Variants in KCNK10 observed in about 807,000 individuals in gnomAD.
KCNK10 encodes potassium two pore domain channel subfamily K member 10.
A neutral mutation model predicts 47.7 loss-of-function variants in KCNK10; 25 were observed. The observed-to-expected ratio is 0.52, with a 90% CI of 0.38 to 0.73. KCNK10 has a LOEUF of 0.73. KCNK10 is among the 30% of genes least tolerant of loss of function. The probability of loss-of-function intolerance (pLI) is 0.00; values close to 1 mark genes in which losing one functional copy is unlikely to be tolerated. For synonymous variants in KCNK10, 303 were observed against 285.6 expected (o/e 1.06, Z -0.61); for missense variants, 563 against 714.5 (o/e 0.79, Z 2.42).
chr14:88,239,396 A>T (rs1886387443), intron 3 of KCNK10, among the ~76,000 whole-genome samples: 1 of 152,234 alleles, frequency 6.6e-6, no homozygotes, highest in Non-Finnish European at 1.5e-5. Flanking sequence ...AAAGCTGGCA[A>T]ATCATATAAG....
At chr14:88,217,144 G>A (rs763882188) in intron 4 of KCNK10, among the ~76,000 whole-genome samples, 6 of 152,204 alleles carry the variant, frequency 3.9e-5, no homozygotes, top group African/African-American at 9.7e-5. Flanking sequence ...GCAACAGAGT[G>A]AGACTCCGTC....
At chr14:88,277,778 G>C (rs1355458550) in intron 1 of KCNK10, among the ~76,000 whole-genome samples, 1 of 152,156 alleles carries the variant, frequency 6.6e-6, no homozygotes, top group Non-Finnish European at 1.5e-5. Flanking sequence ...AACATTCTGA[G>C]GAATTTTCCA....
At chr14:88,215,481 C>T (rs2139857012) in intron 4 of KCNK10, among the ~76,000 whole-genome samples, 1 of 152,292 alleles carries the variant, frequency 6.6e-6, no homozygotes, top group East Asian at 1.9e-4. Flanking sequence ...CCTCCCACAA[C>T]ACATGAGGAT....
intron 2 of KCNK10, among the ~76,000 whole-genome samples, chr14:88,259,972 A>G (rs372189610): frequency 1.1e-4 from 16 of 152,046 alleles, no homozygotes; most frequent in Non-Finnish European, 1.8e-4. Context: ...TGAGAGAGTC[A>G]TGCTCTGATG....
chr14:88,208,412 C>A (rs1237260304), intron 4 of KCNK10, among the ~76,000 whole-genome samples: 1 of 152,060 alleles, frequency 6.6e-6, no homozygotes, highest in Non-Finnish European at 1.5e-5. Flanking sequence ...GGTTGATAAG[C>A]CTCCAAAGGG....
Position 88,185,875 on chromosome 14 carries a change from T to C in KCNK10, c.1292A>G (p.Lys431Arg). The C allele has an allele frequency of 1.2e-6, 2 of 1,614,148 alleles. No individual in the cohort carries two copies. The highest frequency in any genetic ancestry group is 2.2e-5 in the South Asian group (2 of 91,076). ...INNRPNNLRL[K>R]GPEQLNKHGQ... ...ATGCTTGTTCAGCTGCTCCGGCCCC[T>C]TCAGGCGCAGGTTGTTGGGCCGGTT... The change falls in exon 7 of 7, where the codon AAG (lysine) becomes AGG (arginine). Residue 431 changes from lysine (K) to arginine (R), a missense_variant. Transcript: ENST00000319231. The surrounding 1 kb of genome is among the most constrained non-coding windows in gnomAD (Gnocchi z 4.3).
intron 6 of KCNK10, among the ~76,000 whole-genome samples, chr14:88,187,187 T>C (rs1360650858): frequency 6.6e-6 from 1 of 152,146 alleles, no homozygotes; most frequent in Non-Finnish European, 1.5e-5. Context: ...AATCTCTCCA[T>C]TCAGCAACTT....
chr14:88,280,627 G>A (rs1379872863), intron 1 of KCNK10, among the ~76,000 whole-genome samples: 1 of 152,168 alleles, frequency 6.6e-6, no homozygotes, highest in African/African-American at 2.4e-5. Flanking sequence ...CTCCCCGAAT[G>A]ATAGTAATGT....
chr14:88,281,991 A>G (rs774958013), intron 1 of KCNK10, among the ~76,000 whole-genome samples: 8 of 151,498 alleles, frequency 5.3e-5, no homozygotes, highest in Non-Finnish European at 1.0e-4. Flanking sequence ...CATCCCCAAC[A>G]CCTTCCCCAC....
upstream of KCNK10, among the ~76,000 whole-genome samples, chr14:88,324,275 T>C (rs556073191): frequency 9.8e-5 from 15 of 152,314 alleles, no homozygotes; most frequent in East Asian, 2.5e-3. Context: ...GGGTTTGTGG[T>C]GGGGCCTCAG....
At chr14:88,276,856 A>G (rs546196094) in intron 1 of KCNK10, among the ~76,000 whole-genome samples, 2 of 152,388 alleles carry the variant, frequency 1.3e-5, no homozygotes, top group South Asian at 4.1e-4. Context: ...AGCTGTCATG[A>G]TAAATGTCAT....
chr14:88,264,888 C>T (rs955414599), intron 1 of KCNK10, among the ~76,000 whole-genome samples: 5 of 152,170 alleles, frequency 3.3e-5, no homozygotes, highest in Admixed American at 6.5e-5. Context: ...CTGTTGATGC[C>T]GAGAAGGTGA....
chr14:88,219,318 T>C (rs1230362454), intron 4 of KCNK10, among the ~76,000 whole-genome samples: 1 of 152,196 alleles, frequency 6.6e-6, no homozygotes, highest in Non-Finnish European at 1.5e-5. Context: ...AAACCCCCTT[T>C]GCAGCTACGA....
At chr14:88,219,775 T>C (rs1353512243) in intron 4 of KCNK10, among the ~76,000 whole-genome samples, 2 of 152,198 alleles carry the variant, frequency 1.3e-5, no homozygotes, top group African/African-American at 4.8e-5. Context: ...ATTGCTGAGC[T>C]CCAGCCCCAC....
chr14:88,235,702 A>G (rs1886281321), intron 3 of KCNK10, among the ~76,000 whole-genome samples: 1 of 152,206 alleles, frequency 6.6e-6, no homozygotes, highest in African/African-American at 2.4e-5. Context: ...TTAAGAGTTA[A>G]AAAGTAGAAG....
At chr14:88,324,057 G>A (rs1194266537), upstream of KCNK10, among the ~76,000 whole-genome samples, 1 of 152,216 alleles carries the variant, frequency 6.6e-6, no homozygotes, top group East Asian at 1.9e-4. Context: ...GCCGCTGGTC[G>A]TTGGCTGGAA....
chr14:88,256,523 G>A (rs1886960565), intron 2 of KCNK10, among the ~76,000 whole-genome samples: 2 of 152,092 alleles, frequency 1.3e-5, no homozygotes. Context: ...GATGCCCACA[G>A]TAAACCCTCT....
At chr14:88,207,667 C>A (rs1885325099) in intron 4 of KCNK10, among the ~76,000 whole-genome samples, 1 of 152,158 alleles carries the variant, frequency 6.6e-6, no homozygotes, top group Non-Finnish European at 1.5e-5. Context: ...TAGCAATGTT[C>A]ATTCATTGAT....
At chr14:88,191,028 A>G (rs1421608815) in intron 5 of KCNK10, among the ~76,000 whole-genome samples, 1 of 152,128 alleles carries the variant, frequency 6.6e-6, no homozygotes, top group Non-Finnish European at 1.5e-5. Flanking sequence ...CATGAGCCCA[A>G]CAGATCAAGA....
Sources: gnomAD v4.1 joint callset for allele counts (sites outside exome capture counted in the v4.1 genomes callset) on GRCh38, gnomAD v4.1.1 for gene constraint, Gnocchi (gnomAD v3.1) non-coding constraint, MANE v1.5 for transcripts, NCBI Gene and HGNC (gene_info 2026-07-23, HGNC 2026-07-21) for gene names.